ALK: variants seen among roughly 807,000 people sequenced by gnomAD.
ALK encodes the protein ALK tyrosine kinase receptor.
ALK carries 74 observed loss-of-function variants against 163.1 expected under a neutral mutation model. The ratio of observed to expected loss-of-function variants is 0.45; its 90% confidence interval spans 0.38 to 0.55. The LOEUF is 0.55. Ranked by LOEUF, ALK falls within the 20% of genes least tolerant of loss-of-function variation. ALK has a pLI of 0.00. For synonymous variants in ALK, 960 were observed against 843.2 expected (o/e 1.14, Z -2.40); for missense variants, 2,063 against 2,105.3 (o/e 0.98, Z 0.39).
intron 3 of ALK, among the ~76,000 whole-genome samples, chr2:29,557,386 C>G (rs374136504): frequency 6.6e-6 from 1 of 152,164 alleles, no homozygotes; most frequent in African/African-American, 2.4e-5. Flanking sequence ...TCTTAGAGAA[C>G]GATTTCTGAA....
intron 1 of ALK, among the ~76,000 whole-genome samples, chr2:29,744,316 AG>A (rs1680147691): frequency 1.3e-5 from 2 of 152,190 alleles, no homozygotes; most frequent in African/African-American, 4.8e-5. Context: ...ACACTATGGC[AG>A]GGGGTGGGTT....
At chr2:29,454,043 T>C (rs942393173) in intron 4 of ALK, among the ~76,000 whole-genome samples, 2 of 152,168 alleles carry the variant, frequency 1.3e-5, no homozygotes, top group African/African-American at 2.4e-5. Context: ...GTTAATAACT[T>C]TGGCTACCGG....
intron 9 of ALK, among the ~76,000 whole-genome samples, chr2:29,287,637 G>A (rs1012250769): frequency 2.6e-5 from 4 of 152,104 alleles, no homozygotes; most frequent in Admixed American, 6.5e-5. Context: ...TCCAAAGAGA[G>A]CAGATGGCAA....
intron 3 of ALK, among the ~76,000 whole-genome samples, chr2:29,655,388 T>A (rs932065969): frequency 6.6e-6 from 1 of 152,162 alleles, no homozygotes; most frequent in African/African-American, 2.4e-5. Context: ...CAAATAATAA[T>A]ACACCAGTTC....
At position 29,602,483 on chromosome 2, in the gene ALK, C is replaced by G. The variant is rs562914532; in HGVS notation, c.953-70367G>C. Among the ~76,000 whole-genome samples, 119 of 152,278 alleles carry G rather than the reference C, an allele frequency of 7.8e-4. 1 individual carries two copies. Among genetic ancestry groups the G allele is most frequent in the African/African-American group, 2.6e-3 (107 of 41,534 alleles). On this transcript the variant is annotated intron_variant, in intron 3 of 28. Transcript: ENST00000389048. ...TCCCACCAGGCCACCTGCTTGGAGACTCTTAATATATAAAATCTCTTAATT... is the reference window on the plus strand; with the variant it reads ...TCCCACCAGGCCACCTGCTTGGAGAGTCTTAATATATAAAATCTCTTAATT...
rs779022801 is a variant in ALK at position 29,227,563 on chromosome 2, A to G, written c.2914+11T>C. 5.0e-6 allele frequency: 8 copies of G among 1,609,914 alleles called. No individual in the cohort carries two copies. The African/African-American group carries it at 5.3e-5, about 11-fold the overall frequency. On this transcript the variant is annotated intron_variant, in intron 17 of 28. Transcript: ENST00000389048. The surrounding 1 kb of genome is among the most constrained non-coding windows in gnomAD (Gnocchi z 4.4). Reference sequence around the variant, plus strand: ...AAGCAAGTTTGTTCTGCTGCCTGGCAGAGAAGCTACCTTTTAAAGCTGGGG... The same window carrying G: ...AAGCAAGTTTGTTCTGCTGCCTGGCGGAGAAGCTACCTTTTAAAGCTGGGG...
chr2:29,288,785 T>G, intron 9 of ALK, among the ~76,000 whole-genome samples: 1 of 151,606 alleles, frequency 6.6e-6, no homozygotes, highest in Non-Finnish European at 1.5e-5. Context: ...ATCCCATCTC[T>G]ACTAAAAAAT....
chr2:29,843,291 T>C (rs1665749022), intron 1 of ALK, among the ~76,000 whole-genome samples: 1 of 152,096 alleles, frequency 6.6e-6, no homozygotes, highest in African/African-American at 2.4e-5. Flanking sequence ...ACTTTACACC[T>C]ACTCCCACAT....
At chr2:29,243,942 A>G (rs533333146) in intron 12 of ALK, among the ~76,000 whole-genome samples, 2 of 152,178 alleles carry the variant, frequency 1.3e-5, no homozygotes, top group Non-Finnish European at 2.9e-5. Flanking sequence ...CCCTGGTCAG[A>G]AGAGATGTTT....
chr2:29,697,382 TG>T (rs1678599367), intron 2 of ALK, among the ~76,000 whole-genome samples: 1 of 152,138 alleles, frequency 6.6e-6, no homozygotes, highest in Admixed American at 6.5e-5. Flanking sequence ...TGCCCTGGGA[TG>T]TTTTGTACTT....
chr2:29,470,856 T>C (rs1671331226), intron 4 of ALK, among the ~76,000 whole-genome samples: 1 of 152,130 alleles, frequency 6.6e-6, no homozygotes, highest in Non-Finnish European at 1.5e-5. Flanking sequence ...CTAATTAATA[T>C]AATAATAGTG....
At chr2:29,742,662 C>A (rs112908002) in intron 1 of ALK, among the ~76,000 whole-genome samples, 22 of 152,304 alleles carry the variant, frequency 1.4e-4, no homozygotes, top group African/African-American at 5.3e-4. Flanking sequence ...GCCAGGGAAC[C>A]CCTGGCAGGA....
intron 1 of ALK, among the ~76,000 whole-genome samples, chr2:29,752,126 T>C (rs1459570932): frequency 6.6e-6 from 1 of 152,220 alleles, no homozygotes; most frequent in East Asian, 1.9e-4. Flanking sequence ...TCTGACTTTA[T>C]GATGGTGCAA....
intron 4 of ALK, among the ~76,000 whole-genome samples, chr2:29,480,785 C>T (rs1044230586): frequency 5.8e-5 from 4 of 69,148 alleles, no homozygotes; most frequent in Non-Finnish European, 1.0e-4. Flanking sequence ...AGGGAACAGA[C>T]ATCTTAAAAA....
intron 1 of ALK, among the ~76,000 whole-genome samples, chr2:29,891,185 G>A (rs769125371): frequency 6.6e-6 from 1 of 152,160 alleles, no homozygotes; most frequent in Non-Finnish European, 1.5e-5. Flanking sequence ...GCCCTAAAAT[G>A]TCTTCCTCCA....
At chr2:29,202,191 T>C (rs1462233732) in intron 26 of ALK, among the ~76,000 whole-genome samples, 1 of 152,222 alleles carries the variant, frequency 6.6e-6, no homozygotes, top group Non-Finnish European at 1.5e-5. Context: ...TGGCTTTTCC[T>C]GCAGTCTGGA....
chr2:29,822,828 T>C (rs1159139487), intron 1 of ALK, among the ~76,000 whole-genome samples: 5 of 152,252 alleles, frequency 3.3e-5, no homozygotes, highest in African/African-American at 1.2e-4. Context: ...ACAGCCTTGG[T>C]TTCCTCACCT....
chr2:29,698,557 GAC>G (rs1678639356), intron 2 of ALK, among the ~76,000 whole-genome samples: 1 of 152,192 alleles, frequency 6.6e-6, no homozygotes, highest in African/African-American at 2.4e-5. Flanking sequence ...TTCTATTCAA[GAC>G]AGAGGTGAGG....
At chr2:29,556,627 G>A (rs1673868570) in intron 3 of ALK, among the ~76,000 whole-genome samples, 1 of 152,194 alleles carries the variant, frequency 6.6e-6, no homozygotes, top group Non-Finnish European at 1.5e-5. Context: ...AAATACAGAA[G>A]CTATTATCAA....
Sources: allele counts gnomAD v4.1 joint callset (sites outside exome capture counted in the v4.1 genomes callset), GRCh38; gene constraint gnomAD v4.1.1; non-coding constraint Gnocchi (gnomAD v3.1); transcripts MANE v1.5; gene names NCBI Gene and HGNC (gene_info 2026-07-23, HGNC 2026-07-21).